The following COLEC12 variants were observed in gnomAD, a reference collection of about 807,000 sequenced individuals.
COLEC12 encodes collectin subfamily member 12.
In COLEC12, 33 loss-of-function variants were observed where a neutral mutation model predicts 71.1. The observed-to-expected ratio is 0.46, with a 90% CI of 0.35 to 0.62. The LOEUF (loss-of-function observed/expected upper bound fraction) is 0.62, where lower values mean the gene tolerates loss of function less well. Ranked by LOEUF, COLEC12 falls within the 20% of genes least tolerant of loss-of-function variation. COLEC12 has a pLI of 0.00. For synonymous variants in COLEC12, 350 were observed against 353.0 expected, an observed-to-expected ratio of 0.99 and a Z score of 0.10; for missense variants, 765 against 916.1, an observed-to-expected ratio of 0.84 and a Z score of 2.13.
At position 399,022 on chromosome 18, in the gene COLEC12, G is replaced by A. The variant is rs1268335996; in HGVS notation, c.59-41500C>T. Reference sequence around the variant, plus strand: ...AACCTAAACACATCCAAATTCCTCTGATCTTGTTACCCATGTAATACAACA... The same window carrying A: ...AACCTAAACACATCCAAATTCCTCTAATCTTGTTACCCATGTAATACAACA... On this transcript the variant is annotated intron_variant, in intron 2 of 9. Coordinates refer to ENST00000400256, the MANE Select transcript of COLEC12 (RefSeq NM_130386.3). This position sits in a 1 kb window ranked among gnomAD's most constrained non-coding sequence, Gnocchi z 4.0. Among the ~76,000 whole-genome samples the A allele has an allele frequency of 6.6e-6, 1 of 152,228 alleles. No individual in the cohort carries two copies. Among genetic ancestry groups the A allele is most frequent in the African/African-American group, 2.4e-5 (1 of 41,458 alleles).
intron 2 of COLEC12, among the ~76,000 whole-genome samples, chr18:387,267 T>C (rs1180059241): frequency 6.6e-6 from 1 of 152,182 alleles, no homozygotes; most frequent in Non-Finnish European, 1.5e-5. Context: ...TAAAGTGTCT[T>C]TTGCATCAGG....
chr18:336,853 CAG>C (rs775189812), intron 5 of COLEC12, among the ~76,000 whole-genome samples: 21 of 152,106 alleles, frequency 1.4e-4, no homozygotes, highest in Non-Finnish European at 2.6e-4. Context: ...TTTTTAGAGA[CAG>C]AGTCTCACTC....
rs542590846 is a variant in COLEC12 at position 484,366 on chromosome 18, G to C, written c.8-3609C>G. Among the ~76,000 whole-genome samples, 6 of 152,296 alleles carry C rather than the reference G, an allele frequency of 3.9e-5. No homozygotes were observed. In the South Asian group the frequency reaches 1.0e-3, roughly 26 times the overall value. Reference sequence around the variant, plus strand: ...CACAGGCCACCCATCATAAAGCACAGGGTGGGTTCCCTGCTTCTCATCTTA... The same window carrying C: ...CACAGGCCACCCATCATAAAGCACACGGTGGGTTCCCTGCTTCTCATCTTA... On this transcript the variant is annotated intron_variant, in intron 1 of 9. Transcript: ENST00000400256.
At chr18:493,577 G>A (rs374339870) in intron 1 of COLEC12, among the ~76,000 whole-genome samples, 13 of 152,156 alleles carry the variant, frequency 8.5e-5, no homozygotes, top group Admixed American at 2.6e-4. Flanking sequence ...AGTTGTTTAC[G>A]CATAAGTCTT....
chr18:434,024 A>G (rs554325590), intron 2 of COLEC12, among the ~76,000 whole-genome samples: 1 of 152,022 alleles, frequency 6.6e-6, no homozygotes, highest in East Asian at 1.9e-4. Context: ...TCTTCCAAAC[A>G]TAATTAAGAG....
chr18:443,613 G>A (rs553460428), intron 2 of COLEC12, among the ~76,000 whole-genome samples: 1 of 152,346 alleles, frequency 6.6e-6, no homozygotes, highest in Admixed American at 6.5e-5. Context: ...TGTAGGGTAA[G>A]GGGAGCAAGA....
intron 1 of COLEC12, among the ~76,000 whole-genome samples, chr18:499,281 C>A (rs1917772510): frequency 6.6e-6 from 1 of 152,144 alleles, no homozygotes; most frequent in Admixed American, 6.5e-5. Context: ...CTGGGGCAGA[C>A]CACTTTTCAC....
intron 3 of COLEC12, among the ~76,000 whole-genome samples, chr18:354,577 A>G (rs1914590351): frequency 6.6e-6 from 1 of 151,376 alleles, no homozygotes; most frequent in Non-Finnish European, 1.5e-5. Context: ...TCAAAGGGGG[A>G]ATGTGTGAAG....
Position 319,176 on chromosome 18 carries a change from G to A in COLEC12, c.*869C>T, listed in dbSNP as rs675712. The A allele has an allele frequency of 0.39, 59,067 of 151,420 alleles. 12,389 individuals carry two copies. Among genetic ancestry groups the A allele is most frequent in the East Asian group, 0.64 (3,314 of 5,148 alleles). 9.4% of individuals were successfully genotyped at this position (151,420 alleles called of 1,614,324 possible). A position where few individuals can be genotyped will look rare whatever the true frequency, so the allele number is the denominator to read the frequency against. On this transcript the variant is annotated 3_prime_UTR_variant, in exon 10 of 10. Coordinates refer to ENST00000400256, the MANE Select transcript of COLEC12 (RefSeq NM_130386.3). ...TTCTTCTGTGTCTGGTCAGGCACAC[G>A]TCAAGAATGTTGGCTGGTGATGGGC... is the stretch of plus-strand genomic sequence containing the variant.
At chr18:479,319 G>A (rs1290203866) in intron 2 of COLEC12, among the ~76,000 whole-genome samples, 1 of 152,186 alleles carries the variant, frequency 6.6e-6, no homozygotes, top group Admixed American at 6.5e-5. Context: ...CTCTGCCAGG[G>A]AACCAACGCA....
intron 8 of COLEC12, among the ~76,000 whole-genome samples, chr18:324,612 T>G (rs1031956356): frequency 2.0e-5 from 3 of 151,948 alleles, no homozygotes; most frequent in Non-Finnish European, 4.4e-5. Context: ...GTGGATCACC[T>G]GAGGTCAGGA....
intron 2 of COLEC12, among the ~76,000 whole-genome samples, chr18:369,394 T>A (rs1400156328): frequency 4.2e-5 from 6 of 143,002 alleles, no homozygotes; most frequent in African/African-American, 1.6e-4. Flanking sequence ...TCTTTTTTTT[T>A]TTATTTTTTT....
At chr18:470,254 C>T (rs1917168744) in intron 2 of COLEC12, among the ~76,000 whole-genome samples, 1 of 90,708 alleles carries the variant, frequency 1.1e-5, no homozygotes, top group Admixed American at 2.0e-4. Flanking sequence ...TTTTTTGAGA[C>T]GGAGTCTCGC....
At chr18:442,864 G>A (rs928667349) in intron 2 of COLEC12, among the ~76,000 whole-genome samples, 2 of 152,240 alleles carry the variant, frequency 1.3e-5, no homozygotes, top group African/African-American at 2.4e-5. Flanking sequence ...AGGAGGCTGA[G>A]GCAGGAGAAT....
At chr18:350,326 T>C (rs1381496960) in intron 3 of COLEC12, among the ~76,000 whole-genome samples, 1 of 152,092 alleles carries the variant, frequency 6.6e-6, no homozygotes, top group Non-Finnish European at 1.5e-5. Context: ...GCCTTTTGCC[T>C]CCCACCATGA....
At chr18:333,321 A>G in intron 6 of COLEC12, 178 bp from the exon 7 acceptor site, 1 of 538,434 alleles carries the variant, frequency 1.9e-6, no homozygotes, top group South Asian at 2.7e-5. Context: ...CCCAAAGTGG[A>G]CTGCAGAGCA....
intron 2 of COLEC12, among the ~76,000 whole-genome samples, chr18:476,364 A>C (rs1042700147): frequency 2.0e-5 from 3 of 152,228 alleles, no homozygotes; most frequent in African/African-American, 4.8e-5. Flanking sequence ...AATTCTGTCA[A>C]AGCTTTGTTT....
rs1370997036 is a variant in COLEC12, at chr18:357,485, A to C, written c.96T>G (p.Asn32Lys). 6.3e-7 allele frequency: 1 copy of C among 1,592,464 alleles called. No individual in the cohort carries two copies. ...QEGTQCTKCKNNWALKFSIIL... is the reference protein window; with the variant it reads ...QEGTQCTKCKKNWALKFSIIL... ...TGATAGAAAACTTCAGTGCCCAGTTATTTTTACATTTGGTACATTGTGTTC... is the reference window on the plus strand; with the variant it reads ...TGATAGAAAACTTCAGTGCCCAGTTCTTTTTACATTTGGTACATTGTGTTC... Residue 32 changes from asparagine to lysine, a missense_variant, in exon 3 of 10, where the codon AAT becomes AAG. Asn to Lys is a moderately conservative substitution (Grantham distance 94). Coordinates refer to ENST00000400256, the MANE Select transcript of COLEC12 (RefSeq NM_130386.3).
intron 2 of COLEC12, among the ~76,000 whole-genome samples, chr18:429,426 G>A (rs1439031492): frequency 6.6e-6 from 1 of 151,108 alleles, no homozygotes; most frequent in Non-Finnish European, 1.5e-5. Flanking sequence ...TTGTTGCCCA[G>A]GCTGGAGTGC....
Sources: gnomAD v4.1 joint callset for allele counts (sites outside exome capture counted in the v4.1 genomes callset) on GRCh38, gnomAD v4.1.1 for gene constraint, Gnocchi (gnomAD v3.1) non-coding constraint, MANE v1.5 for transcripts, NCBI Gene and HGNC (gene_info 2026-07-23, HGNC 2026-07-21) for gene names.